The following CREB5 variants were observed in gnomAD, a reference collection of about 807,000 sequenced individuals.
CREB5 encodes the protein cyclic AMP-responsive element-binding protein 5.
Under a neutral mutation model 57.1 loss-of-function variants are expected in CREB5, and 19 were observed. That is an observed-to-expected ratio of 0.33 (90% CI 0.23 to 0.49). The LOEUF is 0.49. Among genes scored for constraint, CREB5 ranks in the 20% least tolerant of loss-of-function variants. The pLI, the probability that CREB5 is intolerant of heterozygous loss-of-function variation, is 0.99. For synonymous variants in CREB5, 238 were observed against 238.3 expected (o/e 1.00, Z 0.01); for missense variants, 579 against 671.6 (o/e 0.86, Z 1.52).
chr7:28,488,111 A>G, intron 1 of CREB5, 64 bp from the exon 2 acceptor site: 2 of 1,463,284 alleles, frequency 1.4e-6, no homozygotes, highest in Non-Finnish European at 1.9e-6. Flanking sequence ...CACGTTGCTC[A>G]GGTAGAAGCA....
chr7:28,509,489 G>A (rs984324524), intron 4 of CREB5, among the ~76,000 whole-genome samples: 1 of 152,182 alleles, frequency 6.6e-6, no homozygotes, highest in African/African-American at 2.4e-5. Flanking sequence ...TTAACACAAA[G>A]CCAAGTTTAC....
intron 5 of CREB5, among the ~76,000 whole-genome samples, chr7:28,611,406 C>T (rs1022516829): frequency 6.9e-6 from 1 of 145,266 alleles, no homozygotes; most frequent in Admixed American, 7.2e-5. Flanking sequence ...AATCCCAGCA[C>T]TTTGGGAGGC....
chr7:28,758,464 G>A (rs1390408501), intron 7 of CREB5, among the ~76,000 whole-genome samples: 5 of 152,152 alleles, frequency 3.3e-5, no homozygotes, highest in Non-Finnish European at 5.9e-5. Flanking sequence ...GTGAATAGAG[G>A]GAGGTCCGGT....
At chr7:28,724,080 C>A in intron 6 of CREB5, 142 bp from the exon 7 acceptor site, 1 of 666,140 alleles carries the variant, frequency 1.5e-6, no homozygotes, top group Non-Finnish European at 2.5e-6. Flanking sequence ...GAGGGCATTG[C>A]TTACCACACA....
intron 1 of CREB5, among the ~76,000 whole-genome samples, chr7:28,459,805 A>T (rs1489806340): frequency 6.6e-6 from 1 of 152,024 alleles, no homozygotes; most frequent in Admixed American, 6.6e-5. Flanking sequence ...ATTAATGTTT[A>T]CTGAGTGTTT....
intron 5 of CREB5, among the ~76,000 whole-genome samples, chr7:28,585,272 C>G (rs1290169816): frequency 6.6e-6 from 1 of 152,178 alleles, no homozygotes; most frequent in Non-Finnish European, 1.5e-5. Flanking sequence ...TTCTTAGCAG[C>G]TAATAACATT....
intron 1 of CREB5, among the ~76,000 whole-genome samples, chr7:28,456,388 A>G (rs1790094828): frequency 1.3e-5 from 2 of 152,164 alleles, no homozygotes; most frequent in African/African-American, 4.8e-5. Context: ...GTCTTTGGAG[A>G]CTTGTCCCCT....
At chr7:28,560,817 T>TGTGCGTGTGTGTGC (rs1795073189) in intron 4 of CREB5, among the ~76,000 whole-genome samples, 2 of 94,742 alleles carry the variant, frequency 2.1e-5, no homozygotes, top group African/African-American at 7.4e-5. Flanking sequence ...CGCGTGTGTG[T>TGTGCGTGTGTGTGC]GTGTGCGCGC....
chr7:28,645,151 G>C (rs1003071149), intron 5 of CREB5, among the ~76,000 whole-genome samples: 8 of 152,116 alleles, frequency 5.3e-5, no homozygotes, highest in South Asian at 2.1e-4. Context: ...AATAAGCCTA[G>C]AACAACTTGA....
chr7:28,442,149 A>G (rs544274288), intron 1 of CREB5, among the ~76,000 whole-genome samples: 1 of 152,194 alleles, frequency 6.6e-6, no homozygotes, highest in East Asian at 1.9e-4. Context: ...AGATTAAACA[A>G]AATTTTTTTC....
intron 7 of CREB5, among the ~76,000 whole-genome samples, chr7:28,798,954 C>T (rs538527297): frequency 1.3e-5 from 2 of 152,288 alleles, no homozygotes; most frequent in South Asian, 2.1e-4. Flanking sequence ...CAAAATACAG[C>T]TTAGACCCAT....
chr7:28,480,499 C>T (rs1197808243), intron 1 of CREB5, among the ~76,000 whole-genome samples: 1 of 152,030 alleles, frequency 6.6e-6, no homozygotes, highest in Non-Finnish European at 1.5e-5. Flanking sequence ...TCTAATTTTT[C>T]TTTTTTGTTT....
At chr7:28,686,966 TGTG>T (rs1032541337) in intron 5 of CREB5, among the ~76,000 whole-genome samples, 4 of 150,636 alleles carry the variant, frequency 2.7e-5, no homozygotes, top group Admixed American at 6.6e-5. Flanking sequence ...GAAGTGATGG[TGTG>T]GTGGTTGGTT....
chr7:28,384,200 G>A (rs1325186696), intron 1 of CREB5, among the ~76,000 whole-genome samples: 3 of 152,176 alleles, frequency 2.0e-5, no homozygotes, highest in African/African-American at 4.8e-5. Context: ...AAGGACGAGC[G>A]TCTGTAGTTA....
chr7:28,646,450 A>G (rs1366194359), intron 5 of CREB5, among the ~76,000 whole-genome samples: 1 of 152,224 alleles, frequency 6.6e-6, no homozygotes, highest in Non-Finnish European at 1.5e-5. Context: ...TTTTGAAGGA[A>G]CAATTTGAGG....
intron 5 of CREB5, among the ~76,000 whole-genome samples, chr7:28,688,656 G>C (rs866685363): frequency 3.3e-5 from 5 of 152,276 alleles, no homozygotes; most frequent in Middle Eastern, 3.4e-3. Flanking sequence ...ATCCGGGGTA[G>C]TAGCCTTATT....
intron 1 of CREB5, among the ~76,000 whole-genome samples, chr7:28,348,584 T>C (rs1201103918): frequency 2.0e-5 from 3 of 152,212 alleles, no homozygotes; most frequent in Non-Finnish European, 2.9e-5. Context: ...AGAGTCTTTC[T>C]GTATAATCGA....
At chr7:28,504,533 T>C (rs1487524803) in intron 3 of CREB5, among the ~76,000 whole-genome samples, 3 of 152,254 alleles carry the variant, frequency 2.0e-5, no homozygotes, top group African/African-American at 7.2e-5. Context: ...GTTCTTTTAG[T>C]GCTTCAACTA....
intron 5 of CREB5, among the ~76,000 whole-genome samples, chr7:28,621,284 A>G (rs1349672691): frequency 6.6e-6 from 1 of 152,204 alleles, no homozygotes; most frequent in African/African-American, 2.4e-5. Flanking sequence ...ATGCAGGGTC[A>G]CTGGAAAATG....
Sources: allele counts gnomAD v4.1 joint callset (sites outside exome capture counted in the v4.1 genomes callset), GRCh38; gene constraint gnomAD v4.1.1; transcripts MANE v1.5; gene names NCBI Gene and HGNC (gene_info 2026-07-23, HGNC 2026-07-21).